The following KATNA1 variants were observed in gnomAD, a reference collection of about 807,000 sequenced individuals.
KATNA1 encodes katanin catalytic subunit A1.
Under a neutral mutation model 62.6 loss-of-function variants are expected in KATNA1, and 42 were observed. That is an observed-to-expected ratio of 0.67 (90% CI 0.52 to 0.87). The LOEUF (loss-of-function observed/expected upper bound fraction) is 0.87, where lower values mean the gene tolerates loss of function less well. KATNA1 is among the 40% of genes least tolerant of loss of function. The probability of loss-of-function intolerance (pLI) is 0.00; values close to 1 mark genes in which losing one functional copy is unlikely to be tolerated. For missense variants in KATNA1, 498 were observed against 612.5 expected, an observed-to-expected ratio of 0.81 and a Z score of 1.97; for synonymous variants, 186 against 201.9, an observed-to-expected ratio of 0.92 and a Z score of 0.67.
intron 2 of KATNA1, among the ~76,000 whole-genome samples, chr6:149,634,763 A>C (rs946939439): frequency 1.3e-5 from 2 of 152,206 alleles, no homozygotes; most frequent in African/African-American, 4.8e-5. Context: ...TGTATACAGG[A>C]ATCAAAATAT....
At position 149,633,018 on chromosome 6, in the gene KATNA1, A is replaced by C. The variant is rs1460127436; in HGVS notation, c.163-102T>G. On this transcript the variant is annotated intron_variant, in intron 2 of 10. Transcript: ENST00000367411. ...AGAGATGTTACAAAACTCCATTTTGATATCAGATATCCAGTAAACCACATC... is the reference window on the plus strand; with the variant it reads ...AGAGATGTTACAAAACTCCATTTTGCTATCAGATATCCAGTAAACCACATC... 3.9e-6 allele frequency: 3 copies of C among 771,718 alleles called. No homozygotes were observed. In the African/African-American group the frequency reaches 5.4e-5, roughly 14 times the overall value. 47.8% of individuals were successfully genotyped at this position (771,718 alleles called of 1,614,324 possible).
At chr6:149,595,341 T>G (rs1778261836) in intron 10 of KATNA1, 107 bp from the exon 11 acceptor site, 3 of 709,792 alleles carry the variant, frequency 4.2e-6, no homozygotes, top group Non-Finnish European at 7.0e-6. Flanking sequence ...CATTCTCTAA[T>G]TATATTACAT....
chr6:149,638,906 T>C (rs907095081), intron 1 of KATNA1, among the ~76,000 whole-genome samples: 18 of 151,792 alleles, frequency 1.2e-4, no homozygotes, highest in African/African-American at 4.3e-4. Flanking sequence ...CCGGCTAATT[T>C]TTTTTGTATT....
chr6:149,630,070 G>C (rs1052467992), intron 3 of KATNA1, among the ~76,000 whole-genome samples: 6 of 152,124 alleles, frequency 3.9e-5, no homozygotes, highest in African/African-American at 1.4e-4. Flanking sequence ...TATGGATATA[G>C]CACACCTGCA....
chr6:149,607,613 A>G (rs1778792506), intron 4 of KATNA1, among the ~76,000 whole-genome samples: 1 of 152,172 alleles, frequency 6.6e-6, no homozygotes, highest in Non-Finnish European at 1.5e-5. Context: ...CTCCATCTCA[A>G]ATAAAAACAA....
chr6:149,638,768 G>A (rs536151699), intron 1 of KATNA1, among the ~76,000 whole-genome samples: 1 of 117,224 alleles, frequency 8.5e-6, no homozygotes, highest in South Asian at 2.8e-4. Flanking sequence ...ACGGAGTCTC[G>A]CTCTGTGGCC....
intron 3 of KATNA1, among the ~76,000 whole-genome samples, chr6:149,626,292 CTTTTTTTTTT>C (rs544379629): frequency 3.4e-5 from 3 of 88,748 alleles, no homozygotes; most frequent in African/African-American, 1.6e-4. Context: ...ATAACATTTA[CTTTTTTTTTT>C]TTTTTTTTTT....
chr6:149,607,153 G>A (rs1778770044), intron 4 of KATNA1, among the ~76,000 whole-genome samples: 1 of 152,046 alleles, frequency 6.6e-6, no homozygotes, highest in Admixed American at 6.6e-5. Flanking sequence ...CAGTACTAAG[G>A]GAATGTTCGC....
intron 4 of KATNA1, among the ~76,000 whole-genome samples, chr6:149,614,934 A>G (rs1037496049): frequency 1.3e-5 from 2 of 152,124 alleles, no homozygotes; most frequent in African/African-American, 4.8e-5. Flanking sequence ...CAAGAGTTCG[A>G]GACCAGCCTG....
intron 2 of KATNA1, among the ~76,000 whole-genome samples, chr6:149,637,480 A>C (rs1296404838): frequency 1.3e-5 from 2 of 151,978 alleles, no homozygotes; most frequent in African/African-American, 4.8e-5. Flanking sequence ...AATAAAGTCT[A>C]CTCTATTTTT....
intron 4 of KATNA1, among the ~76,000 whole-genome samples, chr6:149,617,721 GGTCAGGAGT>G (rs1204078470): frequency 6.6e-6 from 1 of 152,066 alleles, no homozygotes; most frequent in Non-Finnish European, 1.5e-5. Flanking sequence ...GATCACCTAA[GGTCAGGAGT>G]TCGAAACCAG....
At chr6:149,635,019 T>C (rs1268958909) in intron 2 of KATNA1, among the ~76,000 whole-genome samples, 1 of 151,256 alleles carries the variant, frequency 6.6e-6, no homozygotes, top group African/African-American at 2.4e-5. Context: ...AAAATGGCCC[T>C]AGTTTTGAGA....
At chr6:149,614,954 G>C (rs1779103798) in intron 4 of KATNA1, among the ~76,000 whole-genome samples, 1 of 151,926 alleles carries the variant, frequency 6.6e-6, no homozygotes, top group African/African-American at 2.4e-5. Flanking sequence ...GACCAACATG[G>C]TGAAACCGTC....
intron 1 of KATNA1, among the ~76,000 whole-genome samples, chr6:149,645,456 CAA>C (rs201041700): frequency 1.6e-5 from 2 of 123,752 alleles, no homozygotes; most frequent in African/African-American, 3.0e-5. Context: ...AAACAAAAAA[CAA>C]AAAAAAAAAA....
intron 1 of KATNA1, 138 bp from the exon 2 acceptor site, chr6:149,638,698 T>A: frequency 1.1e-5 from 4 of 364,510 alleles, no homozygotes; most frequent in Non-Finnish European, 1.5e-5. Flanking sequence ...ATATGTGTGC[T>A]CATGCTATTT....
intron 3 of KATNA1, among the ~76,000 whole-genome samples, chr6:149,624,421 T>C (rs1405340920): frequency 6.6e-6 from 1 of 152,058 alleles, no homozygotes; most frequent in East Asian, 1.9e-4. Context: ...TATTTTTTAT[T>C]ATTATTATTT....
At chr6:149,600,533 T>G (rs1488444594) in intron 7 of KATNA1, among the ~76,000 whole-genome samples, 1 of 151,880 alleles carries the variant, frequency 6.6e-6, no homozygotes. Flanking sequence ...CTCAGGAGGC[T>G]AAGGTGGGAG....
In KATNA1 at chr6:149,643,569, A is replaced by G. The variant is rs544191930; in HGVS notation, c.-14+4900T>C. On this transcript the variant is annotated intron_variant, in intron 1 of 10. Transcript: ENST00000367411. The stretch of plus-strand genomic sequence containing the variant: ...TCATATTCTATCTTAATAAAAGCCT[A>G]AAGGCCAAGGACCATATCTCTCTGT... Among the ~76,000 whole-genome samples, 11 of 152,328 alleles carry G rather than the reference A, an allele frequency of 7.2e-5. 1 individual carries two copies. The East Asian group carries it at 2.1e-3, about 29-fold the overall frequency.
intron 2 of KATNA1, 95 bp from the exon 3 acceptor site, chr6:149,633,011 C>T: frequency 1.2e-6 from 1 of 848,936 alleles, no homozygotes; most frequent in Admixed American, 2.8e-5. Context: ...TACAAAACTC[C>T]ATTTTGATAT....
Sources: gnomAD v4.1 joint callset for allele counts (sites outside exome capture counted in the v4.1 genomes callset) on GRCh38, gnomAD v4.1.1 for gene constraint, MANE v1.5 for transcripts, NCBI Gene and HGNC (gene_info 2026-07-23, HGNC 2026-07-21) for gene names.